The following GREB1 variants were observed in gnomAD, a reference collection of about 807,000 sequenced individuals.
The protein encoded by GREB1 is protein GREB1.
Under a neutral mutation model 200.7 loss-of-function variants are expected in GREB1, and 106 were observed. The observed-to-expected ratio is 0.53, with a 90% confidence interval of 0.45 to 0.62. GREB1 has a LOEUF of 0.62. GREB1 is among the 20% of genes least tolerant of loss of function. The pLI, the probability that GREB1 is intolerant of heterozygous loss-of-function variation, is 0.00. For missense variants in GREB1, 2,243 were observed against 2,556.8 expected (o/e 0.88, Z 2.65); for synonymous variants, 1,132 against 1,092.4 (o/e 1.04, Z -0.72).
intron 4 of GREB1, 40 bp downstream of exon 4, chr2:11,566,696 T>C: frequency 6.4e-7 from 1 of 1,574,406 alleles, no homozygotes; most frequent in Non-Finnish European, 8.6e-7. Flanking sequence ...TCCTTCTGCA[T>C]GGGGTAGAGC....
intron 10 of GREB1, among the ~76,000 whole-genome samples, chr2:11,590,437 T>TG (rs1337363621): frequency 6.6e-6 from 1 of 152,164 alleles, no homozygotes; most frequent in Non-Finnish European, 1.5e-5. Context: ...CCCAGCCCAC[T>TG]GTCCCCCTCA....
rs1303159664 is a variant in GREB1, at chr2:11,602,342, C to G, written c.2530-64C>G. 61 of 1,515,628 alleles carry G rather than the reference C, an allele frequency of 4.0e-5. No individual in the cohort carries two copies. In the Admixed American group the frequency reaches 1.0e-3, roughly 26 times the overall value. 93.9% of individuals were successfully genotyped at this position (1,515,628 alleles called of 1,614,324 possible). ...ACCCAGGTCATCCGCAGGCCTGGCACACGAACCTCTGACCGTCCCTGCGAA... is the reference window on the plus strand; with the variant it reads ...ACCCAGGTCATCCGCAGGCCTGGCAGACGAACCTCTGACCGTCCCTGCGAA... On this transcript the variant is annotated intron_variant, in intron 16 of 32. Coordinates refer to ENST00000381486, the MANE Select transcript of GREB1 (RefSeq NM_014668.4).
chr2:11,548,549 C>T lies in GREB1; in HGVS notation c.-161-7905C>T, dbSNP rs1455921626. Among the ~76,000 whole-genome samples the T allele has an allele frequency of 6.6e-6, 1 of 152,212 alleles. No homozygotes were observed. Among genetic ancestry groups the T allele is most frequent in the Non-Finnish European group, 1.5e-5 (1 of 68,040 alleles). On this transcript the variant is annotated intron_variant, in intron 1 of 32. Transcript: ENST00000381486. The surrounding 1 kb of genome is among the most constrained non-coding windows in gnomAD (Gnocchi z 5.1). ...CCTGCACCTGTCAATAATACATCCC[C>T]ATATTCTGATAGAACTTGTAAACTC...
chr2:11,615,740 C>T (rs1683344420), intron 20 of GREB1, among the ~76,000 whole-genome samples: 2 of 152,212 alleles, frequency 1.3e-5, no homozygotes, highest in Admixed American at 6.5e-5. Context: ...AAAACAGGCT[C>T]ATTTGCAGAC....
At chr2:11,569,057 C>T (rs773759715) in intron 4 of GREB1, among the ~76,000 whole-genome samples, 2 of 152,094 alleles carry the variant, frequency 1.3e-5, no homozygotes, top group Non-Finnish European at 2.9e-5. Flanking sequence ...TATTAGGAGA[C>T]TTGTTTTTGT....
chr2:11,501,918 T>G lies in GREB1; in HGVS notation c.-159+19537T>G, dbSNP rs1281218149. ...CTGTTTTTTTTTGTTTTTTTTTTTTTTTTTTTTTTTTTTTTGAGATGGAGT... is the reference window on the plus strand; with the variant it reads ...CTGTTTTTTTTTGTTTTTTTTTTTTGTTTTTTTTTTTTTTTGAGATGGAGT... On this transcript the variant is annotated intron_variant, in intron 1 of 2. Coordinates refer to the GREB1 transcript ENST00000628795. Among the ~76,000 whole-genome samples the G allele has an allele frequency of 3.5e-4, 39 of 112,616 alleles. 1 individual carries two copies. The highest frequency in any genetic ancestry group is 5.8e-4 in the Non-Finnish European group (32 of 55,078). 73.9% of individuals were successfully genotyped at this position (112,616 alleles called of 152,430 possible).
intron 1 of GREB1, among the ~76,000 whole-genome samples, chr2:11,515,598 G>C (rs921892275): frequency 6.6e-6 from 1 of 152,094 alleles, no homozygotes; most frequent in Non-Finnish European, 1.5e-5. Flanking sequence ...GCCTGAGGGC[G>C]GGGGGAGGGC....
At chr2:11,491,066 C>T (rs1031701243) in intron 1 of GREB1, among the ~76,000 whole-genome samples, 3 of 152,236 alleles carry the variant, frequency 2.0e-5, no homozygotes, top group East Asian at 3.9e-4. Context: ...GGTCTTTTGG[C>T]GATACCCATT....
intron 23 of GREB1, among the ~76,000 whole-genome samples, chr2:11,623,033 C>T (rs982093963): frequency 5.3e-5 from 8 of 152,228 alleles, no homozygotes; most frequent in African/African-American, 1.9e-4. Context: ...ATAACAATTC[C>T]ACTCCAAGCA....
In GREB1 at chr2:11,596,138, A is replaced by G; in HGVS notation, c.1853A>G (p.Lys618Arg). The G allele has an allele frequency of 1.2e-6, 2 of 1,613,830 alleles. No homozygotes were observed. The highest frequency in any genetic ancestry group is 1.7e-6 in the Non-Finnish European group (2 of 1,179,784). The change falls in exon 13 of 33, where the codon AAA becomes AGA. Residue 618 changes from lysine (K) to arginine (R), a missense_variant. Transcript: ENST00000381486. ...GGTGACATTGACATTTTGCTGGACA[A>G]ATTTCACCAGGAAAATCAAGGCCAT... ...PEGDIDILLD[K>R]FHQENQGHIS... is the part of the protein sequence containing the mutation.
chr2:11,613,176 T>G (rs1225850224), intron 19 of GREB1, among the ~76,000 whole-genome samples: 1 of 152,160 alleles, frequency 6.6e-6, no homozygotes, highest in African/African-American at 2.4e-5. Flanking sequence ...TAGCCACATA[T>G]CCACTCGATG....
intron 17 of GREB1, among the ~76,000 whole-genome samples, chr2:11,607,438 G>A (rs1490241460): frequency 1.0e-5 from 1 of 97,340 alleles, no homozygotes; most frequent in Admixed American, 1.1e-4. Context: ...ATGTGTGTGT[G>A]TGTGTGTGTG....
At position 11,633,981 on chromosome 2, in the gene GREB1, AG is replaced by A; in HGVS notation, c.4992-147del. The A allele has an allele frequency of 2.9e-6, 2 of 700,618 alleles. No individual in the cohort carries two copies. Among genetic ancestry groups the A allele is most frequent in the Non-Finnish European group, 5.1e-6 (2 of 395,642 alleles). The allele number at this position is 700,618 out of a possible 1,614,324, so 43.4% of individuals were successfully genotyped here. On this transcript the variant is annotated intron_variant, in intron 28 of 32. Coordinates refer to ENST00000381486, the MANE Select transcript of GREB1 (RefSeq NM_014668.4). This position sits in a 1 kb window ranked among gnomAD's most constrained non-coding sequence, Gnocchi z 4.1. ...TGAGCGCCCGTGGGAAGCGCCCAGC[AG>A]GGTGCCTGGCCCTGGGGGGACTGTG... is the stretch of plus-strand genomic sequence containing the variant.
intron 1 of GREB1, among the ~76,000 whole-genome samples, chr2:11,543,126 C>T (rs1179114661): frequency 1.3e-5 from 2 of 152,126 alleles, no homozygotes; most frequent in African/African-American, 4.8e-5. Context: ...ATAGTCCCTG[C>T]TGTCAAAGCC....
At chr2:11,535,786 A>G (rs79976329) in intron 1 of GREB1, among the ~76,000 whole-genome samples, 2,229 of 152,180 alleles carry the variant, frequency 0.015, 35 homozygotes, top group African/African-American at 0.034. Flanking sequence ...CCCCACTTAC[A>G]TGATTTGTTT....
chr2:11,625,249 C>T lies in GREB1; in HGVS notation c.4243C>T (p.His1415Tyr). Residue 1415 changes from histidine (H) to tyrosine (Y), a missense_variant, in exon 24 of 33, where the codon CAC becomes TAC. Physicochemically the swap from His to Tyr is moderately conservative, Grantham distance 83. Coordinates refer to ENST00000381486, the MANE Select transcript of GREB1 (RefSeq NM_014668.4). The part of the protein sequence containing the change: ...FKKLPFDYII[H>Y]DPKYEDASLI... ...GAAGTTGCCCTTTGACTACATCATT[C>T]ACGACCCGAAGTATGAAGATGCCAG... The T allele has an allele frequency of 1.9e-6, 3 of 1,614,162 alleles. No individual in the cohort carries two copies. The highest frequency in any genetic ancestry group is 2.5e-6 in the Non-Finnish European group (3 of 1,179,990).
At chr2:11,607,703 G>T (rs574978437) in intron 17 of GREB1, among the ~76,000 whole-genome samples, 1 of 151,064 alleles carries the variant, frequency 6.6e-6, no homozygotes, top group South Asian at 2.1e-4. Flanking sequence ...ACAATTTCAG[G>T]TGTCACGTGC....
chr2:11,538,620 T>C (rs187214727), intron 1 of GREB1, among the ~76,000 whole-genome samples: 1 of 12,274 alleles, frequency 8.1e-5, no homozygotes, highest in Admixed American at 7.9e-4. Context: ...TTTCTTTCTT[T>C]CTTTCTTTCT....
chr2:11,507,355 G>T (rs1277461281), intron 1 of GREB1, among the ~76,000 whole-genome samples: 1 of 149,472 alleles, frequency 6.7e-6, no homozygotes, highest in Non-Finnish European at 1.5e-5. Flanking sequence ...GTTATAGTGA[G>T]TGGAGATTGC....
Sources: allele counts gnomAD v4.1 joint callset (sites outside exome capture counted in the v4.1 genomes callset), GRCh38; gene constraint gnomAD v4.1.1; non-coding constraint Gnocchi (gnomAD v3.1); transcripts MANE v1.5; gene names NCBI Gene and HGNC (gene_info 2026-07-23, HGNC 2026-07-21).